The following CDC42BPA variants were observed in gnomAD, a reference collection of about 807,000 sequenced individuals.
CDC42BPA encodes the protein CDC42 binding protein kinase alpha.
CDC42BPA carries 80 observed loss-of-function variants against 223.5 expected under a neutral mutation model. The observed-to-expected ratio is 0.36, with a 90% CI of 0.30 to 0.43. CDC42BPA has a LOEUF of 0.43. Ranked by LOEUF, CDC42BPA falls within the 20% of genes least tolerant of loss-of-function variation. CDC42BPA has a pLI of 1.00. For synonymous variants in CDC42BPA, 694 were observed against 718.6 expected, an observed-to-expected ratio of 0.97 and a Z score of 0.55; for missense variants, 1,743 against 2,099.9, an observed-to-expected ratio of 0.83 and a Z score of 3.32.
At chr1:227,016,023 G>A (rs1408878949) in intron 34 of CDC42BPA, 57 bp downstream of exon 34, 1 of 848,068 alleles carries the variant, frequency 1.2e-6, no homozygotes, top group Non-Finnish European at 2.0e-6. Flanking sequence ...TTAAGCCTAT[G>A]TATTTATACT....
intron 6 of CDC42BPA, among the ~76,000 whole-genome samples, chr1:227,159,443 G>A (rs373177331): frequency 1.3e-4 from 19 of 151,970 alleles, no homozygotes; most frequent in East Asian, 7.7e-4. Context: ...CTAAGATGGC[G>A]CCTCTGCACT....
rs149013499 is a variant in CDC42BPA at position 227,021,201 on chromosome 1, T to C, written c.4615+2062A>G. On this transcript the variant is annotated intron_variant, in intron 32 of 36. Transcript: ENST00000366766. ...ATTACCAAAATGTGAAACAGAGACA[T>C]GAAGTCAACACGCGCTGTTGGGAAA... 4.5e-3 allele frequency among the ~76,000 whole-genome samples: 681 copies of C among 152,204 alleles called. 3 individuals carry two copies. Among genetic ancestry groups the C allele is most frequent in the African/African-American group, 0.015 (634 of 41,524 alleles).
intron 11 of CDC42BPA, among the ~76,000 whole-genome samples, chr1:227,123,546 A>C (rs554783574): frequency 6.6e-6 from 1 of 152,234 alleles, no homozygotes; most frequent in Non-Finnish European, 1.5e-5. Context: ...AATAAAGTAG[A>C]AAATCAAATG....
At chr1:227,224,633 GA>G (rs1050751101) in intron 2 of CDC42BPA, among the ~76,000 whole-genome samples, 10 of 151,356 alleles carry the variant, frequency 6.6e-5, no homozygotes, top group Non-Finnish European at 1.2e-4. Context: ...GTACTTAAAA[GA>G]AAAAAAATAA....
chr1:227,169,203 T>C (rs964825717), intron 5 of CDC42BPA, among the ~76,000 whole-genome samples: 1 of 152,208 alleles, frequency 6.6e-6, no homozygotes, highest in Non-Finnish European at 1.5e-5. Context: ...TGAGAATAGT[T>C]GTTAACAGCC....
chr1:227,129,368 G>A (rs1656510693), intron 10 of CDC42BPA, 137 bp from the exon 11 acceptor site: 3 of 690,686 alleles, frequency 4.3e-6, no homozygotes, highest in African/African-American at 1.9e-5. Context: ...AAAAGCATGT[G>A]AATACTCAAA....
At chr1:227,187,947 A>T (rs948738328) in intron 5 of CDC42BPA, among the ~76,000 whole-genome samples, 1 of 151,970 alleles carries the variant, frequency 6.6e-6, no homozygotes, top group Non-Finnish European at 1.5e-5. Context: ...AGAGAAATAC[A>T]TTCTCAGACA....
intron 4 of CDC42BPA, among the ~76,000 whole-genome samples, chr1:227,197,466 A>G (rs1316989544): frequency 6.6e-6 from 1 of 152,130 alleles, no homozygotes; most frequent in African/African-American, 2.4e-5. Context: ...GTAATTATTG[A>G]GGGGTATATA....
chr1:227,045,528 T>C (rs1228864649), intron 23 of CDC42BPA, among the ~76,000 whole-genome samples: 1 of 152,174 alleles, frequency 6.6e-6, no homozygotes, highest in Admixed American at 6.5e-5. Context: ...GGAAAAAGTC[T>C]TTTACTTACT....
chr1:227,195,467 C>T (rs1018614699), intron 4 of CDC42BPA, among the ~76,000 whole-genome samples: 3 of 148,908 alleles, frequency 2.0e-5, no homozygotes, highest in Admixed American at 1.4e-4. Context: ...TGAGCCACCA[C>T]GTCGGGGTAC....
At chr1:227,216,622 G>C (rs1214017935) in intron 2 of CDC42BPA, among the ~76,000 whole-genome samples, 1 of 152,130 alleles carries the variant, frequency 6.6e-6, no homozygotes, top group African/African-American at 2.4e-5. Flanking sequence ...AAGTCATACT[G>C]ATATTCATTT....
In CDC42BPA at chr1:227,254,080, C is replaced by G; in HGVS notation, c.254G>C (p.Arg85Pro). 6.3e-7 allele frequency: 1 copy of G among 1,593,810 alleles called. No individual in the cohort carries two copies. Among genetic ancestry groups the G allele is most frequent in the Non-Finnish European group, 8.6e-7 (1 of 1,166,032 alleles). Residue 85 changes from arginine to proline, a missense_variant, in exon 2 of 37, where the codon CGA (arginine) becomes CCA (proline). This residue lies in a region of CDC42BPA where 321 missense variants were observed against 488.7 expected (regional missense o/e 0.66). Coordinates refer to ENST00000366766, the MANE Select transcript of CDC42BPA (RefSeq NM_001394014.1). ...ATCTCTTACCTCCCCAAAAGCTCCT[C>G]GACCAATCACCTTTAATATTTCAAA... ...EDFEILKVIG[R>P]GAFGEVAVVK... is the part of the protein sequence containing the mutation.
chr1:227,101,087 A>G lies in CDC42BPA; in HGVS notation c.2154T>C (p.Leu718=). 1 of 1,569,462 alleles carries G rather than the reference A, an allele frequency of 6.4e-7. No individual in the cohort carries two copies. The stretch of plus-strand genomic sequence containing the variant: ...CTTCTGAATCATGCAGTTCTTTCTT[A>G]AGATTTTTTATTTCATTTGCATGTA... ...EGIHANEIKN[L]KKELHDSEGQ... Residue 718 remains leucine, a synonymous_variant, in exon 15 of 37, where the codon CTT becomes CTC. Transcript: ENST00000366766.
intron 9 of CDC42BPA, among the ~76,000 whole-genome samples, chr1:227,141,734 T>C (rs1233388244): frequency 6.6e-6 from 1 of 151,772 alleles, no homozygotes; most frequent in African/African-American, 2.4e-5. Context: ...GCTTGAGGAG[T>C]AGGAGGCTGT....
chr1:227,156,131 G>GAA (rs1558632603), intron 6 of CDC42BPA, among the ~76,000 whole-genome samples: 9 of 144,936 alleles, frequency 6.2e-5, no homozygotes, highest in African/African-American at 9.9e-5. Flanking sequence ...TTTTTTTTTT[G>GAA]TTTTTATTTA....
chr1:227,005,176 C>T, intron 34 of CDC42BPA, 65 bp from the exon 35 acceptor site: 1 of 988,922 alleles, frequency 1.0e-6, no homozygotes, highest in Non-Finnish European at 1.6e-6. Context: ...GCAGAGATGT[C>T]TATTTTTCAC....
At chr1:227,196,923 T>C (rs917450620) in intron 4 of CDC42BPA, among the ~76,000 whole-genome samples, 2 of 152,214 alleles carry the variant, frequency 1.3e-5, no homozygotes, top group Non-Finnish European at 2.9e-5. Flanking sequence ...AAATTTTATG[T>C]GTCAATGTTG....
chr1:227,156,117 A>G (rs1275152521), intron 6 of CDC42BPA, among the ~76,000 whole-genome samples: 5 of 80,692 alleles, frequency 6.2e-5, no homozygotes, highest in Non-Finnish European at 1.5e-4. Flanking sequence ...TTTCTTCATT[A>G]TAGTTTTTTT....
At chr1:227,126,400 C>T (rs1689599863) in intron 11 of CDC42BPA, among the ~76,000 whole-genome samples, 1 of 151,022 alleles carries the variant, frequency 6.6e-6, no homozygotes, top group Admixed American at 6.6e-5. Flanking sequence ...TTTGTTCAGG[C>T]CTCTGGTGGC....
Sources: gnomAD v4.1 joint callset for allele counts (sites outside exome capture counted in the v4.1 genomes callset) on GRCh38, gnomAD v4.1.1 for gene constraint, gnomAD v4.1.1 regional missense constraint, MANE v1.5 for transcripts, NCBI Gene and HGNC (gene_info 2026-07-23, HGNC 2026-07-21) for gene names.